HKDC1: variants seen among roughly 807,000 people sequenced by gnomAD.
The protein encoded by HKDC1 is hexokinase HKDC1.
A neutral mutation model predicts 96.6 loss-of-function variants in HKDC1; 66 were observed. The observed-to-expected ratio is 0.68, with a 90% confidence interval of 0.56 to 0.84. HKDC1 has a LOEUF of 0.84. Among genes scored for constraint, HKDC1 ranks in the 40% least tolerant of loss-of-function variants. HKDC1 has a pLI of 0.00. For missense variants in HKDC1, 1,211 were observed against 1,208.1 expected (o/e 1.00, Z -0.04); for synonymous variants, 466 against 473.1 (o/e 0.98, Z 0.20).
At chr10:69,266,463 T>TACAA in intron 17 of HKDC1, 147 bp from the exon 18 acceptor site, 1 of 547,644 alleles carries the variant, frequency 1.8e-6, no homozygotes, top group Non-Finnish European at 2.9e-6. Flanking sequence ...AGACCATGTC[T>TACAA]AAAAAAAAAA....
intron 7 of HKDC1, 92 bp downstream of exon 7, chr10:69,243,457 G>T: frequency 7.5e-6 from 8 of 1,063,496 alleles, no homozygotes; most frequent in Non-Finnish European, 1.1e-5. Flanking sequence ...TTCCAGTTGT[G>T]ACTAGCTATC....
At chr10:69,235,585 A>G (rs1290568392) in intron 4 of HKDC1, among the ~76,000 whole-genome samples, 2 of 152,182 alleles carry the variant, frequency 1.3e-5, no homozygotes, top group Non-Finnish European at 1.5e-5. Flanking sequence ...CCCTGGCTGG[A>G]TCCTGTAGTG....
intron 2 of HKDC1, among the ~76,000 whole-genome samples, chr10:69,229,083 C>A (rs1843207184): frequency 6.6e-6 from 1 of 152,184 alleles, no homozygotes; most frequent in Non-Finnish European, 1.5e-5. Context: ...CTGTGACAAC[C>A]CTGTGGTGTG....
At chr10:69,240,870 C>T (rs981739236) in intron 6 of HKDC1, 119 bp downstream of exon 6, 35 of 659,550 alleles carry the variant, frequency 5.3e-5, no homozygotes, top group African/African-American at 2.9e-4. Context: ...GGAGAAGCAA[C>T]ATAGGGACAT....
intron 16 of HKDC1, among the ~76,000 whole-genome samples, chr10:69,261,832 T>C (rs1843814979): frequency 6.6e-6 from 1 of 152,238 alleles, no homozygotes; most frequent in Non-Finnish European, 1.5e-5. Context: ...TCTCCCTCTC[T>C]TACTTTCCCT....
At chr10:69,229,904 C>A (rs1033348746) in intron 2 of HKDC1, among the ~76,000 whole-genome samples, 1 of 152,160 alleles carries the variant, frequency 6.6e-6, no homozygotes, top group African/African-American at 2.4e-5. Flanking sequence ...ATGTGGATGG[C>A]GTGCTTTAAC....
rs775476188 is a variant in HKDC1, at chr10:69,239,169, C to T, written c.591+32C>T. Reference sequence around the variant, plus strand: ...AATTCACCTCGGTGTGGGAGGCTCTCCCAGCCCTAGCTCCTTTCTCTTGGG... The same window carrying T: ...AATTCACCTCGGTGTGGGAGGCTCTTCCAGCCCTAGCTCCTTTCTCTTGGG... On this transcript the variant is annotated intron_variant, in intron 5 of 17. Coordinates refer to ENST00000354624, the MANE Select transcript of HKDC1 (RefSeq NM_025130.4). 2.6e-6 allele frequency: 4 copies of T among 1,551,168 alleles called. No individual in the cohort carries two copies. In the African/African-American group the frequency reaches 4.1e-5, roughly 16 times the overall value.
intron 4 of HKDC1, among the ~76,000 whole-genome samples, 195 bp downstream of exon 4, chr10:69,233,328 G>A (rs1299076643): frequency 1.3e-5 from 2 of 152,174 alleles, no homozygotes; most frequent in East Asian, 1.9e-4. Context: ...TATGATTAAC[G>A]TGGGCACAGC....
intron 4 of HKDC1, among the ~76,000 whole-genome samples, chr10:69,234,433 T>G (rs192556351): frequency 1.0e-3 from 153 of 152,396 alleles, no homozygotes; most frequent in African/African-American, 3.6e-3. Flanking sequence ...TATTTTTTTC[T>G]TTGTAGAGAT....
At chr10:69,229,790 A>C (rs1007928839) in intron 2 of HKDC1, among the ~76,000 whole-genome samples, 4 of 152,136 alleles carry the variant, frequency 2.6e-5, no homozygotes, top group African/African-American at 9.7e-5. Context: ...GCATCTCACC[A>C]GTGATTCTGT....
At chr10:69,227,154 C>T in intron 1 of HKDC1, 53 bp from the exon 2 acceptor site, 4 of 1,602,224 alleles carry the variant, frequency 2.5e-6, no homozygotes, top group Non-Finnish European at 2.6e-6. Flanking sequence ...ACAGCCTCGA[C>T]TGGAGGGTGA....
chr10:69,238,798 C>T (rs1843404741), intron 4 of HKDC1, among the ~76,000 whole-genome samples: 1 of 152,166 alleles, frequency 6.6e-6, no homozygotes, highest in East Asian at 1.9e-4. Flanking sequence ...CTCATGAATC[C>T]AAGAGCTCTA....
chr10:69,252,577 G>A (rs1052077129), intron 12 of HKDC1, among the ~76,000 whole-genome samples: 6 of 151,432 alleles, frequency 4.0e-5, no homozygotes, highest in East Asian at 1.9e-4. Flanking sequence ...CCCAGGAGGC[G>A]GAGCTTGCAG....
Position 69,258,847 on chromosome 10 carries a change from A to G in HKDC1, c.2104A>G (p.Met702Val). 6.2e-7 allele frequency: 1 copy of G among 1,614,060 alleles called. No individual in the cohort carries two copies. The highest frequency in any genetic ancestry group is 8.5e-7 in the Non-Finnish European group (1 of 1,179,968). Residue 702 changes from methionine (M) to valine (V), a missense_variant, in exon 15 of 18, where the codon ATG becomes GTG. Transcript: ENST00000354624. ...IEMVEGGEGKMCINTEWGGFG... is the reference protein window; with the variant it reads ...IEMVEGGEGKVCINTEWGGFG... ...GATGGTGGAGGGGGGTGAAGGGAAG[A>G]TGTGCATCAATACAGAGTGGGGAGG...
At position 69,258,859 on chromosome 10, in the gene HKDC1, A is replaced by G. The variant is rs763551057; in HGVS notation, c.2116A>G (p.Thr706Ala). 1.2e-6 allele frequency: 2 copies of G among 1,613,840 alleles called. No homozygotes were observed. The change falls in exon 15 of 18, where the codon ACA (threonine) becomes GCA (alanine). Residue 706 changes from threonine to alanine, a missense_variant. By Grantham distance (58) the Thr-to-Ala change is moderately conservative. Coordinates refer to ENST00000354624, the MANE Select transcript of HKDC1 (RefSeq NM_025130.4). ...GGGTGAAGGGAAGATGTGCATCAAT[A>G]CAGAGTGGGGAGGATTTGGAGACAA... ...EGGEGKMCIN[T>A]EWGGFGDNGC...
At chr10:69,236,386 G>A (rs928558697) in intron 4 of HKDC1, among the ~76,000 whole-genome samples, 1 of 151,766 alleles carries the variant, frequency 6.6e-6, no homozygotes, top group Non-Finnish European at 1.5e-5. Flanking sequence ...GGGATTGCAG[G>A]CGTGGTGAGC....
Position 69,247,381 on chromosome 10 carries a change from T to C in HKDC1, c.1053T>C (p.Asn351=). 6.2e-7 allele frequency: 1 copy of C among 1,613,968 alleles called. No individual in the cohort carries two copies. The highest frequency in any genetic ancestry group is 8.5e-7 in the Non-Finnish European group (1 of 1,179,914). The change falls in exon 9 of 18, where the codon AAT becomes AAC. Residue 351 remains asparagine (N), a synonymous_variant. Transcript: ENST00000354624. Reference sequence around the variant, plus strand: ...CCAGGTATAAAGAAGGCCTTGCTAATACAAGAGAGATCCTGGTGGACCTGG... The same window carrying C: ...CCAGGTATAAAGAAGGCCTTGCTAACACAAGAGAGATCCTGGTGGACCTGG... The part of the protein sequence containing the change: ...AMEKYKEGLA[N]TREILVDLGL...
chr10:69,221,410 G>C lies in HKDC1; in HGVS notation c.63+912G>C, dbSNP rs181175844. ...AGGAGGGAACCAGGGTTCTTTCCAG[G>C]CAGCTAAAATGAGCCCAGTCTGCTA... is the stretch of plus-strand genomic sequence containing the variant. On this transcript the variant is annotated intron_variant, in intron 1 of 17. Coordinates refer to ENST00000354624, the MANE Select transcript of HKDC1 (RefSeq NM_025130.4). Among the ~76,000 whole-genome samples, 10 of 152,184 alleles carry C rather than the reference G, an allele frequency of 6.6e-5. No individual in the cohort carries two copies. In the East Asian group the frequency reaches 1.9e-3, roughly 29 times the overall value.
intron 12 of HKDC1, among the ~76,000 whole-genome samples, chr10:69,255,543 T>G (rs537424673): frequency 6.6e-6 from 1 of 152,304 alleles, no homozygotes; most frequent in African/African-American, 2.4e-5. Flanking sequence ...CCTGGCTTTC[T>G]AGATGATGGA....
Sources: allele counts gnomAD v4.1 joint callset (sites outside exome capture counted in the v4.1 genomes callset), GRCh38; gene constraint gnomAD v4.1.1; transcripts MANE v1.5; gene names NCBI Gene and HGNC (gene_info 2026-07-23, HGNC 2026-07-21).